Variants in ASPG observed in about 807,000 individuals in gnomAD.
The protein encoded by ASPG is asparaginase.
A neutral mutation model predicts 63.2 loss-of-function variants in ASPG; 53 were observed. The observed-to-expected ratio is 0.84, with a 90% CI of 0.67 to 1.05. ASPG has a LOEUF of 1.05. Among genes scored for constraint, ASPG ranks in the 50% least tolerant of loss-of-function variants. The probability of loss-of-function intolerance (pLI) is 0.00; values close to 1 mark genes in which losing one functional copy is unlikely to be tolerated. For synonymous variants in ASPG, 370 were observed against 355.0 expected, an observed-to-expected ratio of 1.04 and a Z score of -0.48; for missense variants, 741 against 794.4, an observed-to-expected ratio of 0.93 and a Z score of 0.81.
chr14:104,085,827 C>A lies in ASPG; in HGVS notation c.57C>A (p.Thr19=), dbSNP rs753722069. 1.3e-6 allele frequency: 2 copies of A among 1,591,274 alleles called. No homozygotes were observed. The highest frequency in any genetic ancestry group is 1.7e-6 in the Non-Finnish European group (2 of 1,174,598). Residue 19 remains threonine (T), a synonymous_variant, in exon 1 of 16, where the codon ACC becomes ACA. Coordinates refer to ENST00000551177, the MANE Select transcript of ASPG (RefSeq NM_001080464.3). ...TGCTGGCCGTCTACACCGGCGGCAC[C>A]ATTGGCATGCGGAGTGAGCTCGGCG... ...RRLLAVYTGG[T]IGMRSELGVL...
chr14:104,093,053 G>C (rs2036421197), intron 2 of ASPG: 2 of 479,078 alleles, frequency 4.2e-6, no homozygotes, highest in Non-Finnish European at 7.6e-6. Flanking sequence ...AGCTGGCCCA[G>C]GTGGCCTTGC....
rs1160532702 is a variant in ASPG at position 104,104,490 on chromosome 14, G to A, written c.936+4G>A. The A allele has an allele frequency of 1.2e-6, 2 of 1,611,362 alleles. No individual in the cohort carries two copies. Among genetic ancestry groups the A allele is most frequent in the East Asian group, 2.2e-5 (1 of 44,852 alleles). On this transcript the variant is annotated splice_donor_region_variant and intron_variant, in intron 8 of 15. Transcript: ENST00000551177. The stretch of plus-strand genomic sequence containing the variant: ...CACAGACTATGCAGCTGGCATGGTA[G>A]TGCCGGGAGATCAGGGCCTAGCGGG...
At position 104,113,818 on chromosome 14, in the gene ASPG, C is replaced by T. The variant is rs144533850; in HGVS notation, c.*1274C>T. 0.014 allele frequency: 2,082 copies of T among 152,442 alleles called. 13 individuals carry two copies. Among genetic ancestry groups the T allele is most frequent in the Non-Finnish European group, 0.018 (1,203 of 68,102 alleles). The allele number at this position is 152,442 out of a possible 1,614,324, so 9.4% of individuals were successfully genotyped here. A position where few individuals can be genotyped will look rare whatever the true frequency, so the allele number is the denominator to read the frequency against. On this transcript the variant is annotated 3_prime_UTR_variant, in exon 16 of 16. Coordinates refer to ENST00000551177, the MANE Select transcript of ASPG (RefSeq NM_001080464.3). ...TGACGCCATGCGAGCGTGGCAGGGC[C>T]GGGGAAGCCTTTGCTCCTCACCCTG...
intron 1 of ASPG, among the ~76,000 whole-genome samples, chr14:104,088,458 C>T (rs969902554): frequency 6.6e-5 from 10 of 152,192 alleles, no homozygotes; most frequent in Non-Finnish European, 1.0e-4. Flanking sequence ...TCAGTGGCCA[C>T]GTTCTGTACA....
At position 104,106,864 on chromosome 14, in the gene ASPG, C is replaced by T. The variant is rs766117752; in HGVS notation, c.1239C>T (p.Asp413=). 4.1e-5 allele frequency: 65 copies of T among 1,593,430 alleles called. No individual in the cohort carries two copies. The highest frequency in any genetic ancestry group is 6.9e-5 in the Admixed American group (4 of 57,968). ...CCTGTGCTGCTGCCCACGCCGGTGA[C>T]GTGGAGGCGCTGCAGGCGCTTGTGG... ...SLACAAAHAG[D]VEALQALVEL... is the part of the protein sequence containing the mutation. The change falls in exon 11 of 16, where the codon GAC becomes GAT. Residue 413 remains aspartate, a synonymous_variant. Coordinates refer to ENST00000551177, the MANE Select transcript of ASPG (RefSeq NM_001080464.3).
intron 1 of ASPG, among the ~76,000 whole-genome samples, 179 bp from the exon 2 acceptor site, chr14:104,092,454 G>A (rs1374423813): frequency 2.6e-5 from 4 of 152,150 alleles, no homozygotes; most frequent in African/African-American, 4.8e-5. Flanking sequence ...TTCCAAACGC[G>A]GGTCAGCCGC....
Position 104,113,914 on chromosome 14 carries a change from C to T in ASPG, c.*1370C>T, listed in dbSNP as rs1032556465. On this transcript the variant is annotated 3_prime_UTR_variant, in exon 16 of 16. Coordinates refer to ENST00000551177, the MANE Select transcript of ASPG (RefSeq NM_001080464.3). The stretch of plus-strand genomic sequence containing the variant: ...CCCCAGAGCCAGGAGCCCCTGCTGT[C>T]CCCGGATGGCCGAGACCCTTGGAGG... 2.0e-5 allele frequency: 3 copies of T among 152,404 alleles called. No homozygotes were observed. Among genetic ancestry groups the T allele is most frequent in the Admixed American group, 6.5e-5 (1 of 15,298 alleles). The allele number at this position is 152,404 out of a possible 1,614,324, so 9.4% of individuals were successfully genotyped here. A position where few individuals can be genotyped will look rare whatever the true frequency, so the allele number is the denominator to read the frequency against.
At chr14:104,096,196 C>T (rs1039632146) in intron 4 of ASPG, among the ~76,000 whole-genome samples, 1 of 152,184 alleles carries the variant, frequency 6.6e-6, no homozygotes, top group East Asian at 1.9e-4. Flanking sequence ...TTCTGGAAAA[C>T]TGGATTTGAG....
In ASPG at chr14:104,109,052, C is replaced by T; in HGVS notation, c.1434-177C>T. On this transcript the variant is annotated intron_variant, in intron 12 of 15. Transcript: ENST00000551177. This position sits in a 1 kb window ranked among gnomAD's most constrained non-coding sequence, Gnocchi z 4.8. Reference sequence around the variant, plus strand: ...GTGGTGGGATCCCGGGATGATGTCACATGGGCCTAGGCAGAGGATGGGGGG... The same window carrying T: ...GTGGTGGGATCCCGGGATGATGTCATATGGGCCTAGGCAGAGGATGGGGGG... 2 of 985,398 alleles carry T rather than the reference C, an allele frequency of 2.0e-6. No individual in the cohort carries two copies. The highest frequency in any genetic ancestry group is 2.4e-6 in the Non-Finnish European group (2 of 829,932). 61.0% of individuals were successfully genotyped at this position (985,398 alleles called of 1,614,324 possible).
At chr14:104,087,739 G>A (rs1278739238) in intron 1 of ASPG, among the ~76,000 whole-genome samples, 1 of 152,166 alleles carries the variant, frequency 6.6e-6, no homozygotes, top group Non-Finnish European at 1.5e-5. Flanking sequence ...TGAGTGGTCC[G>A]AGCTGCAGGG....
In ASPG at chr14:104,111,510, A is replaced by C; in HGVS notation, c.1529A>C (p.Tyr510Ser). Residue 510 changes from tyrosine (Y) to serine (S), a missense_variant, in exon 14 of 16, where the codon TAC becomes TCC. By Grantham distance (144) the Tyr-to-Ser change is moderately radical. Transcript: ENST00000551177. Reference sequence around the variant, plus strand: ...TCTGCCCCCACCCCCAGGCTGGCATACAGGGCCGACCTCGAAGGCCTGCAG... The same window carrying C: ...TCTGCCCCCACCCCCAGGCTGGCATCCAGGGCCGACCTCGAAGGCCTGCAG... Reference protein sequence around the residue: ...EAGTELCRLAYRADLEGLQVW... With the variant: ...EAGTELCRLASRADLEGLQVW... 1.3e-6 allele frequency: 2 copies of C among 1,549,936 alleles called. No homozygotes were observed. Among genetic ancestry groups the C allele is most frequent in the Non-Finnish European group, 1.7e-6 (2 of 1,146,600 alleles).
intron 4 of ASPG, among the ~76,000 whole-genome samples, chr14:104,096,016 G>T (rs1005384025): frequency 6.6e-6 from 1 of 152,180 alleles, no homozygotes; most frequent in African/African-American, 2.4e-5. Context: ...CAGGGTGGCC[G>T]CGCACAGAGC....
intron 12 of ASPG, chr14:104,108,831 C>CG (rs1285932430): frequency 5.1e-6 from 5 of 985,248 alleles, no homozygotes; most frequent in African/African-American, 3.5e-5. Context: ...GCAGTGGGGC[C>CG]GGTCAGCTCA....
At position 104,114,516 on chromosome 14, in the gene ASPG, A is replaced by C. The variant is rs1188883973; in HGVS notation, c.*1972A>C. On this transcript the variant is annotated 3_prime_UTR_variant, in exon 16 of 16. Transcript: ENST00000551177. ...GAGGCTGTGAAGAGTCATAGGCTTG[A>C]GTCTGGGAGCTTTCTCGGGGGCCGT... is the stretch of plus-strand genomic sequence containing the variant. 1 of 151,658 alleles carries C rather than the reference A, an allele frequency of 6.6e-6. No homozygotes were observed. Among genetic ancestry groups the C allele is most frequent in the African/African-American group, 2.4e-5 (1 of 41,166 alleles). The allele number at this position is 151,658 out of a possible 1,614,324, so 9.4% of individuals were successfully genotyped here. A position where few individuals can be genotyped will look rare whatever the true frequency, so the allele number is the denominator to read the frequency against.
intron 4 of ASPG, among the ~76,000 whole-genome samples, chr14:104,095,975 C>T (rs112848209): frequency 0.016 from 2,453 of 152,280 alleles, 30 homozygotes; most frequent in African/African-American, 0.037. Flanking sequence ...TGCTTCCTTG[C>T]GGCTGCTGCC....
Position 104,109,413 on chromosome 14 carries a change from G to A in ASPG, c.1520+98G>A. 7.3e-7 allele frequency: 1 copy of A among 1,367,396 alleles called. No individual in the cohort carries two copies. The highest frequency in any genetic ancestry group is 1.4e-5 in the South Asian group (1 of 70,408). The allele number at this position is 1,367,396 out of a possible 1,614,324, so 84.7% of individuals were successfully genotyped here. On this transcript the variant is annotated intron_variant, in intron 13 of 15. Coordinates refer to ENST00000551177, the MANE Select transcript of ASPG (RefSeq NM_001080464.3). The surrounding 1 kb of genome is among the most constrained non-coding windows in gnomAD (Gnocchi z 4.8). ...CTGGGAGGGACAAGTGAGTCAGGGT[G>A]TGGGGGCTTTCAGAGGCGAGGCCCG...
Position 104,111,571 on chromosome 14 carries a change from G to A in ASPG, c.1590G>A (p.Pro530=), listed in dbSNP as rs532027487. The stretch of plus-strand genomic sequence containing the variant: ...AGGCAGGGGCTGACCTGGGGCAGCC[G>A]GGCTATGACGGGCACAGCGCCCTGC... The part of the protein sequence containing the change: ...WWQAGADLGQ[P]GYDGHSALHV... The change falls in exon 14 of 16, where the codon CCG becomes CCA. Residue 530 remains proline (P), a synonymous_variant. Transcript: ENST00000551177. The A allele has an allele frequency of 4.4e-5, 69 of 1,551,150 alleles. No homozygotes were observed. The Middle Eastern group carries it at 5.1e-4, about 12-fold the overall frequency.
intron 10 of ASPG, among the ~76,000 whole-genome samples, 186 bp from the exon 11 acceptor site, chr14:104,106,613 G>A (rs534520286): frequency 3.3e-5 from 5 of 152,222 alleles, no homozygotes; most frequent in African/African-American, 1.2e-4. Context: ...GGCCTGGATG[G>A]GGTGGGGTGG....
Position 104,110,908 on chromosome 14 carries a change from GCAGGTGGGCC to G in ASPG, c.1521-590_1521-581del, listed in dbSNP as rs1396542361. 3 of 985,268 alleles carry G rather than the reference GCAGGTGGGCC, an allele frequency of 3.0e-6. No individual in the cohort carries two copies. The East Asian group carries it at 3.4e-4, about 112-fold the overall frequency. 61.0% of individuals were successfully genotyped at this position (985,268 alleles called of 1,614,324 possible). A position where few individuals can be genotyped will look rare whatever the true frequency, so the allele number is the denominator to read the frequency against. On this transcript the variant is annotated intron_variant, in intron 13 of 15. Transcript: ENST00000551177. The surrounding 1 kb of genome is among the most constrained non-coding windows in gnomAD (Gnocchi z 4.7). ...CCTGGCAGGTGCTCCCCACTCCAGG[GCAGGTGGGCC>G]CAGACCCCTGTCCCAGCCAGGACCC...
Sources: allele counts gnomAD v4.1 joint callset (sites outside exome capture counted in the v4.1 genomes callset), GRCh38; gene constraint gnomAD v4.1.1; non-coding constraint Gnocchi (gnomAD v3.1); transcripts MANE v1.5; gene names NCBI Gene and HGNC (gene_info 2026-07-23, HGNC 2026-07-21).